ZC3H12B: variants seen among roughly 807,000 people sequenced by gnomAD.
ZC3H12B encodes the protein zinc finger CCCH-type containing 12B, also known as probable ribonuclease ZC3H12B.
ZC3H12B carries 7 observed loss-of-function variants against 43.9 expected under a neutral mutation model. The observed-to-expected ratio is 0.16, with a 90% CI of 0.09 to 0.30. The LOEUF (loss-of-function observed/expected upper bound fraction) is 0.30. Among genes scored for constraint, ZC3H12B ranks in the 10% least tolerant of loss-of-function variants. ZC3H12B has a pLI of 1.00. For missense variants in ZC3H12B, 475 were observed against 670.2 expected (o/e 0.71, Z 3.22); for synonymous variants, 222 against 241.7 (o/e 0.92, Z 0.76).
At chrX:65,276,887 TAATAACCTTGAATGTAC>T in the ZC3H12B span, among the ~76,000 whole-genome samples, 1 of 111,647 alleles carries the variant, frequency 9.0e-6, no homozygotes, top group Non-Finnish European at 1.9e-5. Flanking sequence ...CATCTATCAA[TAATAACCTTGAATGTAC>T]ATTTCTCATT....
chrX:65,386,633 G>T (rs909846730), intron 2 of ZC3H12B, among the ~76,000 whole-genome samples: 1 of 111,197 alleles, frequency 9.0e-6, no homozygotes, highest in East Asian at 2.8e-4. Context: ...GGTTTTTTGT[G>T]TCTCTATTTC....
the ZC3H12B span, among the ~76,000 whole-genome samples, chrX:65,239,682 G>A: frequency 8.9e-6 from 1 of 112,101 alleles, no homozygotes; most frequent in Admixed American, 9.5e-5. Flanking sequence ...ACCAGTCTGT[G>A]TACTTCAGTG....
the ZC3H12B span, among the ~76,000 whole-genome samples, chrX:65,249,619 G>T: frequency 9.0e-6 from 1 of 111,184 alleles, no homozygotes; most frequent in Non-Finnish European, 1.9e-5. Context: ...GATGGGAATT[G>T]TGTTGAATTT....
the ZC3H12B span, among the ~76,000 whole-genome samples, chrX:65,355,617 A>G: frequency 9.9e-4 from 111 of 111,713 alleles, no homozygotes; most frequent in African/African-American, 3.4e-3. Flanking sequence ...GAGAAATACC[A>G]GTTCTCTAGG....
intron 3 of ZC3H12B, among the ~76,000 whole-genome samples, chrX:65,447,239 A>G (rs1441883929): frequency 9.0e-6 from 1 of 111,037 alleles, no homozygotes; most frequent in Non-Finnish European, 1.9e-5. Flanking sequence ...TTTTTATCTG[A>G]CTAGATAATG....
chrX:65,171,639 G>C, the ZC3H12B span, among the ~76,000 whole-genome samples: 1 of 111,423 alleles, frequency 9.0e-6, no homozygotes, highest in African/African-American at 3.3e-5. Flanking sequence ...TGCCCCCAGA[G>C]GTGGAGTCTA....
At chrX:65,458,856 G>T (rs1391901180) in intron 3 of ZC3H12B, among the ~76,000 whole-genome samples, 1 of 111,218 alleles carries the variant, frequency 9.0e-6, no homozygotes, top group South Asian at 3.7e-4. Context: ...AAATAACTAA[G>T]ATCAGAGCAG....
intron 3 of ZC3H12B, among the ~76,000 whole-genome samples, chrX:65,406,623 T>TGGGCGGGGCC (rs1222672651): frequency 0.021 from 98 of 4,683 alleles, 2 homozygotes; most frequent in African/African-American, 0.071. Context: ...TGGGCGGGAC[T>TGGGCGGGGCC]GGGCGGGGCC....
the ZC3H12B span, among the ~76,000 whole-genome samples, chrX:65,311,666 A>G: frequency 1.0e-3 from 113 of 112,082 alleles, no homozygotes; most frequent in African/African-American, 3.2e-3. Flanking sequence ...AGGATTATAA[A>G]TCATGCTACT....
At position 65,422,677 on chromosome X, in the gene ZC3H12B, C is replaced by T. The variant is rs780173714; in HGVS notation, n.407+23973C>T. 3.6e-5 allele frequency among the ~76,000 whole-genome samples: 4 copies of T among 110,345 alleles called. No homozygotes were observed. The East Asian group carries it at 1.1e-3, about 31-fold the overall frequency. On this transcript the variant is annotated intron_variant and non_coding_transcript_variant, in intron 3 of 5. Coordinates refer to the ZC3H12B transcript ENST00000617377. ...ATGAGGTATTTCTCCTAATGCTATC[C>T]CTCCCTTTGCCCCTCACTCCTGACA...
At chrX:65,107,746 G>A in the ZC3H12B span, among the ~76,000 whole-genome samples, 1 of 110,733 alleles carries the variant, frequency 9.0e-6, no homozygotes, top group South Asian at 3.8e-4. Context: ...TTTCCCTTTT[G>A]CTGCCATGTG....
the ZC3H12B span, among the ~76,000 whole-genome samples, chrX:65,118,480 T>C: frequency 9.0e-6 from 1 of 111,003 alleles, no homozygotes; most frequent in African/African-American, 3.3e-5. Context: ...GATGGGGTTT[T>C]CTAAATATTT....
chrX:65,172,666 A>G, the ZC3H12B span, among the ~76,000 whole-genome samples: 1 of 112,207 alleles, frequency 8.9e-6, no homozygotes, highest in African/African-American at 3.2e-5. Flanking sequence ...TTCCAGCACC[A>G]TTTATTACAT....
chrX:65,195,993 T>C, the ZC3H12B span, among the ~76,000 whole-genome samples: 1 of 111,792 alleles, frequency 8.9e-6, no homozygotes. Context: ...AGTCGAACTG[T>C]TTACAGAACT....
the ZC3H12B span, among the ~76,000 whole-genome samples, chrX:65,232,912 C>T: frequency 2.2e-4 from 24 of 111,116 alleles, no homozygotes; most frequent in African/African-American, 7.2e-4. Context: ...ATATTCCCTG[C>T]AAATAGAAAC....
chrX:65,111,456 C>T, the ZC3H12B span, among the ~76,000 whole-genome samples: 3 of 110,895 alleles, frequency 2.7e-5, no homozygotes, highest in African/African-American at 6.5e-5. Flanking sequence ...TTAGCAAATG[C>T]TTTTTCTGCA....
the ZC3H12B span, among the ~76,000 whole-genome samples, chrX:65,086,939 A>G: frequency 1.8e-5 from 2 of 110,419 alleles, no homozygotes; most frequent in African/African-American, 6.6e-5. Context: ...CAACATGGAT[A>G]CCCACCTTAC....
chrX:65,414,724 T>C (rs1052497693), intron 3 of ZC3H12B, among the ~76,000 whole-genome samples: 2 of 111,651 alleles, frequency 1.8e-5, no homozygotes, highest in Admixed American at 9.5e-5. Context: ...CTACCTTCGC[T>C]TCTTTTTTCA....
chrX:65,397,943 C>T (rs1312707471), intron 2 of ZC3H12B, among the ~76,000 whole-genome samples: 1 of 111,858 alleles, frequency 8.9e-6, no homozygotes, highest in African/African-American at 3.2e-5. Flanking sequence ...TTGCAGGATA[C>T]AAATTTAACA....
Sources: gnomAD v4.1 joint callset for allele counts (sites outside exome capture counted in the v4.1 genomes callset) on GRCh38, gnomAD v4.1.1 for gene constraint, MANE v1.5 for transcripts, NCBI Gene and HGNC (gene_info 2026-07-23, HGNC 2026-07-21) for gene names.